Variants in ZNF560 observed in about 807,000 individuals in gnomAD.
ZNF560 encodes the protein zinc finger protein 560.
ZNF560 carries 54 observed loss-of-function variants against 81.8 expected under a neutral mutation model. The ratio of observed to expected loss-of-function variants is 0.66; its 90% CI spans 0.53 to 0.83. The LOEUF is 0.83. ZNF560 is among the 40% of genes least tolerant of loss of function. The pLI is 0.00. For missense variants in ZNF560, 940 were observed against 932.4 expected, an observed-to-expected ratio of 1.01 and a Z score of -0.11; for synonymous variants, 321 against 317.9, an observed-to-expected ratio of 1.01 and a Z score of -0.10.
intron 2 of ZNF560, among the ~76,000 whole-genome samples, chr19:9,495,347 TACAAC>T (rs1568468061): frequency 2.0e-5 from 3 of 152,042 alleles, no homozygotes; most frequent in Non-Finnish European, 4.4e-5. Flanking sequence ...AAATAGAATA[TACAAC>T]ACAAGAATTA....
chr19:9,455,765 A>G, the ZNF560 span, among the ~76,000 whole-genome samples: 1 of 152,186 alleles, frequency 6.6e-6, no homozygotes, highest in South Asian at 2.1e-4. Context: ...AAGCACATTT[A>G]GTTGATTATA....
At chr19:9,501,445 G>A (rs572415483), upstream of ZNF560, among the ~76,000 whole-genome samples, 212 of 147,140 alleles carry the variant, frequency 1.4e-3, no homozygotes, top group Non-Finnish European at 2.3e-3. Context: ...CACAACCTCC[G>A]CCTCCCGGGT....
At chr19:9,473,532 C>T (rs1162190689) in intron 4 of ZNF560, among the ~76,000 whole-genome samples, 3 of 151,316 alleles carry the variant, frequency 2.0e-5, no homozygotes, top group Non-Finnish European at 4.4e-5. Context: ...GAGCCGAGAT[C>T]ATGCCACTGC....
At chr19:9,477,428 T>C (rs2073219873) in intron 2 of ZNF560, among the ~76,000 whole-genome samples, 1 of 152,198 alleles carries the variant, frequency 6.6e-6, no homozygotes, top group Non-Finnish European at 1.5e-5. Context: ...ACTCTGGGAA[T>C]TGATACCTGG....
At chr19:9,499,417 A>T (rs1315588290), upstream of ZNF560, among the ~76,000 whole-genome samples, 1 of 151,974 alleles carries the variant, frequency 6.6e-6, no homozygotes, top group Non-Finnish European at 1.5e-5. Context: ...CTGGTCTGGA[A>T]CTCCTGGGCT....
At chr19:9,472,190 A>G (rs1322788214) in intron 5 of ZNF560, among the ~76,000 whole-genome samples, 6 of 152,044 alleles carry the variant, frequency 3.9e-5, no homozygotes, top group Non-Finnish European at 8.8e-5. Context: ...TGGAAATGCA[A>G]CGCCAAATAC....
chr19:9,464,236 CAGG>C (rs111596520), downstream of ZNF560, among the ~76,000 whole-genome samples: 3,121 of 152,284 alleles, frequency 0.02, 114 homozygotes, highest in African/African-American at 0.071. Flanking sequence ...TCCATGTTCA[CAGG>C]AGTTTTTCTG....
chr19:9,479,890 A>AG (rs996552483), intron 2 of ZNF560, among the ~76,000 whole-genome samples: 11 of 152,236 alleles, frequency 7.2e-5, no homozygotes, highest in African/African-American at 2.6e-4. Flanking sequence ...GGTTATAGGA[A>AG]GGGGGGTTAT....
At chr19:9,452,069 C>T in the ZNF560 span, among the ~76,000 whole-genome samples, 1 of 151,718 alleles carries the variant, frequency 6.6e-6, no homozygotes, top group Non-Finnish European at 1.5e-5. Context: ...CAGTGAGACT[C>T]CATGTAAGCC....
rs1340260537 is a variant in ZNF560, at chr19:9,466,468, C to T, written c.*106G>A. Reference sequence around the variant, plus strand: ...CAACTGTTCAGGCTTTCTCACATTCCTTACATTGATAGTGTTACTTTCTCC... The same window carrying T: ...CAACTGTTCAGGCTTTCTCACATTCTTTACATTGATAGTGTTACTTTCTCC... On this transcript the variant is annotated 3_prime_UTR_variant, in exon 10 of 10. Coordinates refer to ENST00000301480, the MANE Select transcript of ZNF560 (RefSeq NM_152476.3). 9.5e-7 allele frequency: 1 copy of T among 1,052,232 alleles called. No homozygotes were observed. Among genetic ancestry groups the T allele is most frequent in the East Asian group, 2.5e-5 (1 of 40,752 alleles). The allele number at this position is 1,052,232 out of a possible 1,614,324, so 65.2% of individuals were successfully genotyped here. A position where few individuals can be genotyped will look rare whatever the true frequency, so the allele number is the denominator to read the frequency against.
chr19:9,495,722 G>A (rs2073547429), intron 2 of ZNF560, among the ~76,000 whole-genome samples: 1 of 151,866 alleles, frequency 6.6e-6, no homozygotes, highest in Non-Finnish European at 1.5e-5. Context: ...GTCGGGGGCG[G>A]GGAAAGAAAG....
chr19:9,448,225 TG>T, the ZNF560 span, among the ~76,000 whole-genome samples: 8 of 151,130 alleles, frequency 5.3e-5, no homozygotes, highest in East Asian at 1.9e-4. Context: ...TGTGTGCGTG[TG>T]GCGGGGGGTT....
At chr19:9,471,773 A>G (rs1388916186) in intron 5 of ZNF560, among the ~76,000 whole-genome samples, 5 of 152,242 alleles carry the variant, frequency 3.3e-5, no homozygotes, top group Non-Finnish European at 7.3e-5. Flanking sequence ...CTAACTTCTG[A>G]GATAAATGGC....
chr19:9,474,451 T>TAA, intron 3 of ZNF560, 126 bp from the exon 4 acceptor site: 1 of 1,059,490 alleles, frequency 9.4e-7, no homozygotes. Flanking sequence ...ACCCAAAGCT[T>TAA]AATAATCCCA....
chr19:9,466,900 T>A lies in ZNF560; in HGVS notation c.2047A>T (p.Thr683Ser). 1 of 1,614,036 alleles carries A rather than the reference T, an allele frequency of 6.2e-7. No homozygotes were observed. Among genetic ancestry groups the A allele is most frequent in the Non-Finnish European group, 8.5e-7 (1 of 1,180,032 alleles). The change falls in exon 10 of 10, where the codon ACC becomes TCC. Residue 683 changes from threonine (T) to serine (S), a missense_variant. Physicochemically the swap from Thr to Ser is moderately conservative, Grantham distance 58. Transcript: ENST00000301480. ...QHLKTHAAEK[T>S]SECNACGNSF... ...TTTCCACATGCGTTACATTCAGAGG[T>A]CTTCTCTGCTGCATGAGTTTTTAAG...
intron 2 of ZNF560, among the ~76,000 whole-genome samples, chr19:9,487,648 C>T (rs2073406811): frequency 6.6e-6 from 1 of 152,146 alleles, no homozygotes; most frequent in Admixed American, 6.6e-5. Context: ...AGGGCAACTG[C>T]CTTTACTGGG....
the ZNF560 span, among the ~76,000 whole-genome samples, chr19:9,506,644 ACTC>A: frequency 6.6e-6 from 1 of 150,904 alleles, no homozygotes; most frequent in African/African-American, 2.4e-5. Context: ...ATCCTGAAGA[ACTC>A]CTTTTAGCAT....
intron 9 of ZNF560, 146 bp from the exon 10 acceptor site, chr19:9,468,480 A>G (rs547730935): frequency 3.3e-5 from 20 of 600,938 alleles, no homozygotes; most frequent in Non-Finnish European, 5.5e-5. Context: ...CTTCAACTTG[A>G]ATAATGGAAC....
At chr19:9,490,878 C>T (rs868509445) in intron 2 of ZNF560, among the ~76,000 whole-genome samples, 1 of 152,206 alleles carries the variant, frequency 6.6e-6, no homozygotes, top group South Asian at 2.1e-4. Flanking sequence ...GCAGAAGTCA[C>T]ATCGACTTTG....
Sources: allele counts gnomAD v4.1 joint callset (sites outside exome capture counted in the v4.1 genomes callset), GRCh38; gene constraint gnomAD v4.1.1; transcripts MANE v1.5; gene names NCBI Gene and HGNC (gene_info 2026-07-23, HGNC 2026-07-21).